SECISBP2: variants seen among roughly 807,000 people sequenced by gnomAD.
The protein encoded by SECISBP2 is SECIS binding protein 2.
Under a neutral mutation model 98.2 loss-of-function variants are expected in SECISBP2, and 96 were observed. That is an observed-to-expected ratio of 0.98 (90% CI 0.83 to 1.16). SECISBP2 has a LOEUF of 1.16. Ranked by LOEUF, SECISBP2 falls within the 50% of genes most tolerant of loss-of-function variation. The pLI is 0.00. For synonymous variants in SECISBP2, 407 were observed against 370.2 expected (o/e 1.10, Z -1.14); for missense variants, 1,046 against 1,022.9 (o/e 1.02, Z -0.31).
At position 89,349,758 on chromosome 9, in the gene SECISBP2, C is replaced by T. The variant is rs201719545; in HGVS notation, c.1739-18C>T. ...TGGGCCTCACAGATATCTGATGATGCCTTTTTCCTCCATGAAGGGCCAGAG... is the reference window on the plus strand; with the variant it reads ...TGGGCCTCACAGATATCTGATGATGTCTTTTTCCTCCATGAAGGGCCAGAG... On this transcript the variant is annotated intron_variant, in intron 12 of 16. Coordinates refer to ENST00000375807, the MANE Select transcript of SECISBP2 (RefSeq NM_024077.5). 4.9e-5 allele frequency: 79 copies of T among 1,613,914 alleles called. No homozygotes were observed. In the African/African-American group the frequency reaches 8.8e-4, roughly 18 times the overall value.
chr9:89,350,074 T>C (rs1401511937), intron 13 of SECISBP2, 145 bp downstream of exon 13: 1 of 933,698 alleles, frequency 1.1e-6, no homozygotes, highest in Admixed American at 2.0e-5. Context: ...GGTACCTGGT[T>C]ACACGCATTC....
intron 5 of SECISBP2, chr9:89,329,136 C>T (rs1489829975): frequency 4.6e-5 from 21 of 461,384 alleles, no homozygotes; most frequent in South Asian, 1.7e-4. Flanking sequence ...GTTTTTGAAA[C>T]GGAGTCTCGC....
downstream of SECISBP2, chr9:89,364,313 T>C (rs1258548959): frequency 2.8e-5 from 10 of 362,820 alleles, no homozygotes; most frequent in South Asian, 4.6e-5. Context: ...GCCACACACA[T>C]GTCCTGTGAC....
intron 8 of SECISBP2, among the ~76,000 whole-genome samples, chr9:89,339,250 G>C (rs1219095261): frequency 6.6e-6 from 1 of 152,222 alleles, no homozygotes; most frequent in East Asian, 1.9e-4. Context: ...CATTCCCACA[G>C]ACTTGGGGTG....
intron 2 of SECISBP2, chr9:89,325,209 T>C (rs1413098250): frequency 3.7e-5 from 21 of 564,118 alleles, no homozygotes; most frequent in Admixed American, 6.2e-5. Flanking sequence ...TCTTACGGAC[T>C]TCCAGCTCAT....
intron 9 of SECISBP2, among the ~76,000 whole-genome samples, chr9:89,340,994 G>A (rs914295572): frequency 1.3e-5 from 2 of 152,174 alleles, no homozygotes; most frequent in Admixed American, 1.3e-4. Flanking sequence ...CTAATGAGGC[G>A]ATAGTACTAA....
At chr9:89,361,007 C>G (rs575645327), downstream of SECISBP2, 1 of 152,192 alleles carries the variant, frequency 6.6e-6, no homozygotes, top group East Asian at 1.9e-4. Flanking sequence ...GCATTTCACT[C>G]ATCAGTTTGT....
At chr9:89,337,514 G>A (rs1203130383) in intron 7 of SECISBP2, among the ~76,000 whole-genome samples, 1 of 152,196 alleles carries the variant, frequency 6.6e-6, no homozygotes, top group Non-Finnish European at 1.5e-5. Context: ...TGAACAAAGA[G>A]AGAGGGGTTT....
chr9:89,334,593 A>C lies in SECISBP2; in HGVS notation c.952A>C (p.Asn318His). ...LSTELSAAPK[N>H]VTSMINLKTI... is the part of the protein sequence containing the mutation. ...TACAGAACTGTCAGCAGCCCCTAAA[A>C]ATGTTACTTCTATGATAAACTTAAA... Residue 318 changes from asparagine to histidine, a missense_variant, in exon 7 of 17, where the codon AAT (asparagine) becomes CAT (histidine). By Grantham distance (68) the Asn-to-His change is moderately conservative. Transcript: ENST00000375807. The C allele has an allele frequency of 6.2e-7, 1 of 1,614,178 alleles. No homozygotes were observed. The highest frequency in any genetic ancestry group is 8.5e-7 in the Non-Finnish European group (1 of 1,180,032).
Position 89,339,922 on chromosome 9 carries a change from CA to C in SECISBP2, c.1272del (p.Pro425ArgfsTer17), listed in dbSNP as rs1308638399. On this transcript the variant is annotated frameshift_variant, in exon 9 of 17. Coordinates refer to ENST00000375807, the MANE Select transcript of SECISBP2 (RefSeq NM_024077.5). LOFTEE classifies it high-confidence loss of function. ...TCTGAAAGAAGAGACAGAATAGAGA[CA>C]CCGAAATTTCAATCTAAGCAGCAGC... The part of the protein sequence containing the change: ...VASERRDRIE[T>X]PKFQSKQQPQ... The C allele has an allele frequency of 3.1e-6, 5 of 1,613,584 alleles. No individual in the cohort carries two copies. The highest frequency in any genetic ancestry group is 4.2e-6 in the Non-Finnish European group (5 of 1,179,660).
At chr9:89,319,285 G>GT (rs928705839) in intron 1 of SECISBP2, among the ~76,000 whole-genome samples, 1 of 152,000 alleles carries the variant, frequency 6.6e-6, no homozygotes, top group Non-Finnish European at 1.5e-5. Context: ...GGGTGCTGTA[G>GT]TTAAACAGTC....
At chr9:89,335,611 G>A (rs2131740138) in intron 7 of SECISBP2, among the ~76,000 whole-genome samples, 1 of 152,230 alleles carries the variant, frequency 6.6e-6, no homozygotes, top group South Asian at 2.1e-4. Flanking sequence ...GATTACTGGC[G>A]TGAGCCACCG....
intron 2 of SECISBP2, among the ~76,000 whole-genome samples, chr9:89,322,017 TC>T (rs1825899029): frequency 6.6e-6 from 1 of 152,234 alleles, no homozygotes; most frequent in Non-Finnish European, 1.5e-5. Context: ...ACTTTGTATG[TC>T]CCCTTCCCTC....
At chr9:89,319,990 C>CT (rs1554714352) in intron 2 of SECISBP2, among the ~76,000 whole-genome samples, 193 bp downstream of exon 2, 2 of 152,038 alleles carry the variant, frequency 1.3e-5, no homozygotes, top group African/African-American at 4.8e-5. Context: ...TTTAACTCCC[C>CT]TTTTTTTTCT....
chr9:89,361,483 T>C (rs563415505), downstream of SECISBP2: 4 of 152,326 alleles, frequency 2.6e-5, no homozygotes, highest in East Asian at 5.8e-4. Context: ...GTGTGTAAGA[T>C]TAAAGGCTGA....
chr9:89,357,924 G>A, intron 15 of SECISBP2, 75 bp from the exon 16 acceptor site: 1 of 1,464,442 alleles, frequency 6.8e-7, no homozygotes, highest in Non-Finnish European at 9.5e-7. Flanking sequence ...CTGTGGAGGT[G>A]GCCATTGCTG....
intron 12 of SECISBP2, among the ~76,000 whole-genome samples, chr9:89,348,629 A>G (rs1011948589): frequency 1.3e-5 from 2 of 152,248 alleles, no homozygotes; most frequent in Admixed American, 1.3e-4. Flanking sequence ...AAAGTGCACA[A>G]ATATCAGTGT....
At chr9:89,347,225 G>A (rs1041309774) in intron 11 of SECISBP2, among the ~76,000 whole-genome samples, 177 bp downstream of exon 11, 8 of 152,172 alleles carry the variant, frequency 5.3e-5, no homozygotes, top group Admixed American at 3.3e-4. Flanking sequence ...AGTGTGACAC[G>A]TCAGGGACAT....
At chr9:89,334,462 A>T (rs1403590205) in intron 6 of SECISBP2, 60 bp from the exon 7 acceptor site, 46 of 1,386,004 alleles carry the variant, frequency 3.3e-5, no homozygotes, top group Non-Finnish European at 4.7e-5. Flanking sequence ...TGTTTGAGTA[A>T]CTAAGGAATT....
Sources: gnomAD v4.1 joint callset for allele counts (sites outside exome capture counted in the v4.1 genomes callset) on GRCh38, gnomAD v4.1.1 for gene constraint, MANE v1.5 for transcripts, NCBI Gene and HGNC (gene_info 2026-07-23, HGNC 2026-07-21) for gene names.